The following INSR variants were observed in gnomAD, a reference collection of about 807,000 sequenced individuals.
INSR encodes the protein insulin receptor.
Under a neutral mutation model 142.6 loss-of-function variants are expected in INSR, and 67 were observed. The observed-to-expected ratio is 0.47, with a 90% CI of 0.39 to 0.58. The LOEUF (loss-of-function observed/expected upper bound fraction) is 0.58, where lower values mean the gene tolerates loss of function less well. INSR is among the 20% of genes least tolerant of loss of function. The pLI, the probability that INSR is intolerant of heterozygous loss-of-function variation, is 0.00. For synonymous variants in INSR, 756 were observed against 743.1 expected, an observed-to-expected ratio of 1.02 and a Z score of -0.28; for missense variants, 1,248 against 1,833.2, an observed-to-expected ratio of 0.68 and a Z score of 5.83.
At chr19:7,133,590 G>A (rs772580403) in intron 13 of INSR, among the ~76,000 whole-genome samples, 36 of 152,140 alleles carry the variant, frequency 2.4e-4, no homozygotes, top group Non-Finnish European at 4.1e-4. Context: ...GGCAGGGCGT[G>A]GTGGCTCATG....
At position 7,197,107 on chromosome 19, in the gene INSR, T is replaced by C. The variant is rs1022460150; in HGVS notation, c.653-12470A>G. Among the ~76,000 whole-genome samples the C allele has an allele frequency of 1.3e-5, 2 of 152,134 alleles. 1 individual carries two copies. Among genetic ancestry groups the C allele is most frequent in the Non-Finnish European group, 2.9e-5 (2 of 68,018 alleles). ...AGGAGGTGAACTTTTGACAGCTTCG[T>C]GGTCAGCAGCGACGACCGCAGGAGC... is the stretch of plus-strand genomic sequence containing the variant. On this transcript the variant is annotated intron_variant, in intron 2 of 21. Coordinates refer to ENST00000302850, the MANE Select transcript of INSR (RefSeq NM_000208.4).
intron 8 of INSR, among the ~76,000 whole-genome samples, chr19:7,164,201 G>A (rs1330069674): frequency 6.6e-6 from 1 of 151,926 alleles, no homozygotes; most frequent in East Asian, 1.9e-4. Context: ...TCATGAAGGA[G>A]GGTGCATCCT....
At chr19:7,120,999 T>C (rs935374105) in intron 19 of INSR, among the ~76,000 whole-genome samples, 17 of 152,016 alleles carry the variant, frequency 1.1e-4, no homozygotes, top group African/African-American at 4.1e-4. Flanking sequence ...GCTACATTTT[T>C]CTTTTTTTTT....
At chr19:7,167,822 T>C (rs1973921902) in intron 7 of INSR, 146 bp downstream of exon 7, 5 of 973,826 alleles carry the variant, frequency 5.1e-6, no homozygotes, top group South Asian at 1.4e-5. Flanking sequence ...ACTGGTGAGA[T>C]TGTAAAAAGG....
At position 7,125,470 on chromosome 19, in the gene INSR, G is replaced by A. The variant is rs780301757; in HGVS notation, c.3071C>T (p.Thr1024Ile). 1.4e-5 allele frequency: 22 copies of A among 1,613,962 alleles called. No individual in the cohort carries two copies. In the South Asian group the frequency reaches 2.2e-4, roughly 16 times the overall value. Residue 1024 changes from threonine to isoleucine, a missense_variant, in exon 17 of 22, where the codon ACC becomes ATC. Coordinates refer to ENST00000302850, the MANE Select transcript of INSR (RefSeq NM_000208.4). This position sits in a 1 kb window ranked among gnomAD's most constrained non-coding sequence, Gnocchi z 4.9. The part of the protein sequence containing the change: ...DEWEVSREKI[T>I]LLRELGQGSF... ...GCCCTGCCCCAGCTCTCGAAGGAGG[G>A]TGATCTTCTCTCGAGACACCTCCCA... is the stretch of plus-strand genomic sequence containing the variant.
At chr19:7,258,539 T>G (rs563097264) in intron 2 of INSR, among the ~76,000 whole-genome samples, 1 of 149,856 alleles carries the variant, frequency 6.7e-6, no homozygotes, top group South Asian at 2.1e-4. Flanking sequence ...CAGACAAGTC[T>G]GAAGTCAAAC....
rs890843045 is a variant in INSR at position 7,160,235 on chromosome 19, A to G, written c.2029+2797T>C. On this transcript the variant is annotated intron_variant, in intron 9 of 21. Coordinates refer to ENST00000302850, the MANE Select transcript of INSR (RefSeq NM_000208.4). ...AATGGTGCAAGCTCGGCTCATTGCAACCTCCACCTCCCGGGTTCAAGCGAT... is the reference window on the plus strand; with the variant it reads ...AATGGTGCAAGCTCGGCTCATTGCAGCCTCCACCTCCCGGGTTCAAGCGAT... Among the ~76,000 whole-genome samples, 9 of 151,788 alleles carry G rather than the reference A, an allele frequency of 5.9e-5. No individual in the cohort carries two copies. In the South Asian group the frequency reaches 1.7e-3, roughly 28 times the overall value.
At position 7,159,016 on chromosome 19, in the gene INSR, C is replaced by A. The variant is rs1973684632; in HGVS notation, c.2029+4016G>T. On this transcript the variant is annotated intron_variant, in intron 9 of 21. Coordinates refer to ENST00000302850, the MANE Select transcript of INSR (RefSeq NM_000208.4). This position sits in a 1 kb window ranked among gnomAD's most constrained non-coding sequence, Gnocchi z 4.3. Reference sequence around the variant, plus strand: ...CTCCCAGATTCAAGCGATTCTCCTGCCTCAGCCTCCTGAGTAGCTGGGATT... The same window carrying A: ...CTCCCAGATTCAAGCGATTCTCCTGACTCAGCCTCCTGAGTAGCTGGGATT... 6.6e-6 allele frequency among the ~76,000 whole-genome samples: 1 copy of A among 152,098 alleles called. No individual in the cohort carries two copies. Among genetic ancestry groups the A allele is most frequent in the Non-Finnish European group, 1.5e-5 (1 of 68,024 alleles).
At chr19:7,158,880 A>C (rs567537141) in intron 9 of INSR, among the ~76,000 whole-genome samples, 11 of 152,184 alleles carry the variant, frequency 7.2e-5, no homozygotes, top group African/African-American at 2.6e-4. Flanking sequence ...CATCACATAA[A>C]ATATACCAAT....
At chr19:7,212,905 G>C (rs374582247) in intron 2 of INSR, among the ~76,000 whole-genome samples, 2 of 151,906 alleles carry the variant, frequency 1.3e-5, no homozygotes, top group East Asian at 3.9e-4. Flanking sequence ...AGTTCCATCT[G>C]CTTCTGTACC....
At chr19:7,222,731 C>T (rs1975657895) in intron 2 of INSR, among the ~76,000 whole-genome samples, 1 of 152,080 alleles carries the variant, frequency 6.6e-6, no homozygotes, top group Non-Finnish European at 1.5e-5. Flanking sequence ...CCACTCCTTG[C>T]TCTTGGTGGA....
At chr19:7,259,097 C>T (rs114054939) in intron 2 of INSR, among the ~76,000 whole-genome samples, 3 of 1,768 alleles carry the variant, frequency 1.7e-3, no homozygotes, top group South Asian at 0.014. Flanking sequence ...CCCGCCTTCC[C>T]TCCTTCCTTC....
intron 2 of INSR, among the ~76,000 whole-genome samples, chr19:7,253,669 A>G (rs1455897474): frequency 2.0e-5 from 3 of 152,194 alleles, no homozygotes; most frequent in Non-Finnish European, 4.4e-5. Context: ...ACCAGGGAGC[A>G]GAGGAGAGCA....
chr19:7,171,716 G>A (rs996346931), intron 5 of INSR, among the ~76,000 whole-genome samples: 1 of 152,112 alleles, frequency 6.6e-6, no homozygotes, highest in Admixed American at 6.6e-5. Flanking sequence ...TACCCTTGGA[G>A]GATGGGCACC....
chr19:7,198,286 C>T (rs1974848451), intron 2 of INSR, among the ~76,000 whole-genome samples: 1 of 151,588 alleles, frequency 6.6e-6, no homozygotes, highest in Non-Finnish European at 1.5e-5. Flanking sequence ...CGCCGGGCTC[C>T]GCTCCCCAGA....
intron 21 of INSR, among the ~76,000 whole-genome samples, chr19:7,118,970 C>T (rs1373958863): frequency 6.6e-6 from 1 of 151,138 alleles, no homozygotes; most frequent in Non-Finnish European, 1.5e-5. Context: ...TCTCCCCCAA[C>T]CCCAGGTCTC....
chr19:7,264,223 C>T (rs1977153261), intron 2 of INSR, among the ~76,000 whole-genome samples: 1 of 150,472 alleles, frequency 6.6e-6, no homozygotes, highest in Non-Finnish European at 1.5e-5. Context: ...ATCCCAGCTA[C>T]TTGGGAGGCT....
At chr19:7,290,175 C>T (rs1968453436) in intron 1 of INSR, among the ~76,000 whole-genome samples, 1 of 152,208 alleles carries the variant, frequency 6.6e-6, no homozygotes, top group African/African-American at 2.4e-5. Context: ...GAGGCCAAGG[C>T]AGGCAGATCG....
At chr19:7,176,090 C>T (rs1383495114) in intron 3 of INSR, among the ~76,000 whole-genome samples, 2 of 152,144 alleles carry the variant, frequency 1.3e-5, no homozygotes, top group South Asian at 2.1e-4. Context: ...CTACCCTGTG[C>T]GTGACAGCAA....
Sources: allele counts gnomAD v4.1 joint callset (sites outside exome capture counted in the v4.1 genomes callset), GRCh38; gene constraint gnomAD v4.1.1; non-coding constraint Gnocchi (gnomAD v3.1); transcripts MANE v1.5; gene names NCBI Gene and HGNC (gene_info 2026-07-23, HGNC 2026-07-21).